The following CTNNA2 variants were observed in gnomAD, a reference collection of about 807,000 sequenced individuals.
The protein encoded by CTNNA2 is catenin alpha-2.
A neutral mutation model predicts 101.0 loss-of-function variants in CTNNA2; 42 were observed. That is an observed-to-expected ratio of 0.42 (90% CI 0.32 to 0.54). The LOEUF (loss-of-function observed/expected upper bound fraction) is 0.54. CTNNA2 is among the 20% of genes least tolerant of loss of function. The pLI is 0.14. For missense variants in CTNNA2, 871 were observed against 1,223.1 expected, an observed-to-expected ratio of 0.71 and a Z score of 4.29; for synonymous variants, 450 against 456.4, an observed-to-expected ratio of 0.99 and a Z score of 0.18.
At chr2:80,364,556 A>ATTTTTTTTT (rs57073635) in intron 7 of CTNNA2, among the ~76,000 whole-genome samples, 5 of 123,516 alleles carry the variant, frequency 4.0e-5, no homozygotes, top group Non-Finnish European at 8.3e-5. Context: ...AGAGAAAGTA[A>ATTTTTTTTT]TTTTTTTTTT....
intron 7 of CTNNA2, among the ~76,000 whole-genome samples, chr2:80,267,786 G>T (rs916063068): frequency 6.6e-6 from 1 of 152,220 alleles, no homozygotes; most frequent in Non-Finnish European, 1.5e-5. Flanking sequence ...TCTCAGATGA[G>T]TGGACAGAGG....
At chr2:79,927,888 A>G (rs1687132959) in intron 7 of CTNNA2, among the ~76,000 whole-genome samples, 5 of 152,062 alleles carry the variant, frequency 3.3e-5, no homozygotes. Flanking sequence ...GAAGGCTCTG[A>G]TATCATGGCC....
At chr2:79,326,121 C>T (rs1676739903) in intron 3 of CTNNA2, among the ~76,000 whole-genome samples, 1 of 152,102 alleles carries the variant, frequency 6.6e-6, no homozygotes, top group South Asian at 2.1e-4. Flanking sequence ...ATTCATTCAT[C>T]ACTTATTGAG....
intron 4 of CTNNA2, among the ~76,000 whole-genome samples, chr2:79,382,772 C>T (rs960128218): frequency 1.3e-5 from 2 of 152,132 alleles, no homozygotes; most frequent in African/African-American, 4.8e-5. Context: ...CAACACCACG[C>T]CCGGCTAATT....
intron 7 of CTNNA2, among the ~76,000 whole-genome samples, chr2:80,066,293 C>T (rs1004215291): frequency 6.6e-5 from 10 of 151,882 alleles, no homozygotes; most frequent in African/African-American, 1.7e-4. Flanking sequence ...CTATGAAATG[C>T]GAGGAAATAT....
chr2:79,259,996 G>T (rs1254569774), intron 2 of CTNNA2, among the ~76,000 whole-genome samples: 1 of 152,166 alleles, frequency 6.6e-6, no homozygotes, highest in African/African-American at 2.4e-5. Flanking sequence ...TGCTACCTAG[G>T]AGTTTCTCCA....
intron 8 of CTNNA2, among the ~76,000 whole-genome samples, chr2:80,394,240 G>A (rs1677793881): frequency 6.6e-6 from 1 of 152,238 alleles, no homozygotes; most frequent in Admixed American, 6.5e-5. Flanking sequence ...AAATTAGCAA[G>A]AGGCCTGGGC....
chr2:79,323,003 A>G (rs1262462220), intron 3 of CTNNA2, among the ~76,000 whole-genome samples: 2 of 152,128 alleles, frequency 1.3e-5, no homozygotes, highest in African/African-American at 2.4e-5. Context: ...ATCTTTCATC[A>G]CAGGCATTGG....
intron 1 of CTNNA2, among the ~76,000 whole-genome samples, chr2:79,539,502 A>ATTCAGATACAATGTTACT (rs1232501128): frequency 1.3e-5 from 2 of 152,248 alleles, no homozygotes; most frequent in African/African-American, 4.8e-5. Context: ...AGCTCAAAGA[A>ATTCAGATACAATGTTACT]TTCAGATACA....
intron 2 of CTNNA2, among the ~76,000 whole-genome samples, chr2:79,214,091 G>A (rs1466855409): frequency 1.3e-5 from 2 of 152,154 alleles, no homozygotes; most frequent in Non-Finnish European, 2.9e-5. Context: ...AGGTTTGGGA[G>A]ATTAGTCGGA....
chr2:80,616,925 G>A (rs893053541), intron 17 of CTNNA2, among the ~76,000 whole-genome samples: 1 of 151,790 alleles, frequency 6.6e-6, no homozygotes, highest in Non-Finnish European at 1.5e-5. Context: ...GCCTAGTTTT[G>A]CATTGGGTTC....
chr2:80,589,862 GT>G (rs1696287786), intron 15 of CTNNA2, among the ~76,000 whole-genome samples: 1 of 40,156 alleles, frequency 2.5e-5, no homozygotes, highest in African/African-American at 9.7e-5. Flanking sequence ...ATGTACCTCT[GT>G]GTGTGTGTGT....
chr2:79,585,863 G>A (rs972469356), intron 1 of CTNNA2, among the ~76,000 whole-genome samples: 2 of 152,098 alleles, frequency 1.3e-5, no homozygotes, highest in African/African-American at 4.8e-5. Context: ...CCTGGGTGCT[G>A]TTTCCGGGGT....
Position 79,391,512 on chromosome 2 carries a change from C to G in CTNNA2, c.-135+17499C>G, listed in dbSNP as rs112300539. On this transcript the variant is annotated intron_variant, in intron 4 of 21. Coordinates refer to the CTNNA2 transcript ENST00000466387. ...TGTTATCAGTAAGGTTTCCAGCCAA[C>G]AGTAGGCTGTGGGAGTCAAAAATTA... is the stretch of plus-strand genomic sequence containing the variant. 2.1e-3 allele frequency among the ~76,000 whole-genome samples: 316 copies of G among 152,272 alleles called. 2 individuals carry two copies. The highest frequency in any genetic ancestry group is 7.0e-3 in the African/African-American group (293 of 41,578).
intron 7 of CTNNA2, among the ~76,000 whole-genome samples, chr2:80,377,020 A>G (rs1025179260): frequency 3.3e-5 from 5 of 152,192 alleles, no homozygotes; most frequent in Admixed American, 3.3e-4. Context: ...CACGGTTGTC[A>G]GAGCTTGAAT....
At chr2:79,767,997 C>A (rs1673285124) in intron 3 of CTNNA2, among the ~76,000 whole-genome samples, 1 of 151,854 alleles carries the variant, frequency 6.6e-6, no homozygotes, top group Non-Finnish European at 1.5e-5. Context: ...CCCAGTTGAG[C>A]ACTAGGACTC....
intron 2 of CTNNA2, among the ~76,000 whole-genome samples, chr2:79,710,468 T>C (rs1029517768): frequency 9.9e-5 from 15 of 152,242 alleles, no homozygotes; most frequent in African/African-American, 3.4e-4. Flanking sequence ...AGAAATGTTA[T>C]ATTTGTTAGT....
At chr2:80,368,790 A>G (rs1675172012) in intron 7 of CTNNA2, among the ~76,000 whole-genome samples, 1 of 150,928 alleles carries the variant, frequency 6.6e-6, no homozygotes, top group African/African-American at 2.4e-5. Flanking sequence ...AAAAAAGAAA[A>G]GAAAAGAAAA....
intron 1 of CTNNA2, among the ~76,000 whole-genome samples, chr2:79,538,886 T>C (rs1345397283): frequency 6.6e-6 from 1 of 152,106 alleles, no homozygotes; most frequent in Non-Finnish European, 1.5e-5. Context: ...GGAAAGGTGG[T>C]GGCAGATAAA....
Sources: gnomAD v4.1 joint callset for allele counts (sites outside exome capture counted in the v4.1 genomes callset) on GRCh38, gnomAD v4.1.1 for gene constraint, MANE v1.5 for transcripts, NCBI Gene and HGNC (gene_info 2026-07-23, HGNC 2026-07-21) for gene names.